The following ANTXR2 variants were observed in gnomAD, a reference collection of about 807,000 sequenced individuals.
The protein encoded by ANTXR2 is anthrax toxin receptor 2.
A neutral mutation model predicts 73.7 loss-of-function variants in ANTXR2; 44 were observed. The observed-to-expected ratio is 0.60, with a 90% CI of 0.47 to 0.77. ANTXR2 has a LOEUF of 0.77. ANTXR2 is among the 30% of genes least tolerant of loss of function. The pLI is 0.00. For missense variants in ANTXR2, 604 were observed against 592.5 expected (o/e 1.02, Z -0.20); for synonymous variants, 217 against 205.9 (o/e 1.05, Z -0.46).
At chr4:80,030,083 C>A (rs1732616241) in intron 10 of ANTXR2, among the ~76,000 whole-genome samples, 1 of 151,896 alleles carries the variant, frequency 6.6e-6, no homozygotes, top group South Asian at 2.1e-4. Context: ...GACTAATAAT[C>A]CAAGCAAGAG....
Position 79,914,438 on chromosome 4 carries a change from G to C in ANTXR2, c.1429-6971C>G, listed in dbSNP as rs937636129. On this transcript the variant is annotated intron_variant, in intron 16 of 16. Transcript: ENST00000403729. The stretch of plus-strand genomic sequence containing the variant: ...TCAATACTTCTTTAGAAGTAGACTA[G>C]GTATAAGCAAATGTAAACTAATAAA... Among the ~76,000 whole-genome samples, 5 of 152,048 alleles carry C rather than the reference G, an allele frequency of 3.3e-5. No individual in the cohort carries two copies. The East Asian group carries it at 9.7e-4, about 29-fold the overall frequency.
chr4:79,926,921 A>ATATATATGTGTG (rs1560866901), intron 16 of ANTXR2, among the ~76,000 whole-genome samples: 23 of 103,974 alleles, frequency 2.2e-4, no homozygotes, highest in African/African-American at 8.0e-4. Context: ...ATATATGTGT[A>ATATATATGTGTG]TATATACACA....
chr4:79,998,234 T>C (rs1730825288), intron 12 of ANTXR2, among the ~76,000 whole-genome samples: 1 of 151,948 alleles, frequency 6.6e-6, no homozygotes. Context: ...AAAAAGACCA[T>C]TTGTAAATGG....
In ANTXR2 at chr4:80,031,691, A is replaced by G. The variant is rs201468232; in HGVS notation, c.798T>C (p.Ser266=). Residue 266 remains serine (S), a splice_region_variant and synonymous_variant, in exon 10 of 17, where the codon AGT becomes AGC. Transcript: ENST00000403729. ...TYTVNETYTT[S]VKPVSVQLNS... ...TAAGCTGTACACTTACTGGTTTTAC[A>G]CCTAGAAAATAAAATGCCACTGAAT... 69 of 1,476,662 alleles carry G rather than the reference A, an allele frequency of 4.7e-5. 1 individual carries two copies. The Middle Eastern group carries it at 8.8e-4, about 19-fold the overall frequency. 91.5% of individuals were successfully genotyped at this position (1,476,662 alleles called of 1,614,324 possible).
intron 16 of ANTXR2, among the ~76,000 whole-genome samples, chr4:79,920,766 T>C (rs1474533469): frequency 6.6e-6 from 1 of 152,172 alleles, no homozygotes; most frequent in African/African-American, 2.4e-5. Flanking sequence ...AGCACATTAC[T>C]AATTATACAA....
intron 16 of ANTXR2, among the ~76,000 whole-genome samples, chr4:79,930,394 C>T (rs1379433474): frequency 2.6e-5 from 4 of 152,160 alleles, no homozygotes; most frequent in African/African-American, 7.2e-5. Flanking sequence ...GGATTAACTA[C>T]ATTAAGTTCT....
Position 79,993,346 on chromosome 4 carries a change from C to T in ANTXR2, c.1042-8483G>A, listed in dbSNP as rs138095079. 9.5e-4 allele frequency among the ~76,000 whole-genome samples: 143 copies of T among 151,050 alleles called. 1 individual carries two copies. Among genetic ancestry groups the T allele is most frequent in the African/African-American group, 3.2e-3 (130 of 41,170 alleles). On this transcript the variant is annotated intron_variant, in intron 12 of 16. Coordinates refer to ENST00000403729, the MANE Select transcript of ANTXR2 (RefSeq NM_058172.6). ...AAAAGGGAGAGAAGAGAGGAAGAAACAAATTGAGAGAATAAAGAAGGAGGA... is the reference window on the plus strand; with the variant it reads ...AAAAGGGAGAGAAGAGAGGAAGAAATAAATTGAGAGAATAAAGAAGGAGGA...
intron 12 of ANTXR2, among the ~76,000 whole-genome samples, chr4:79,986,032 C>T (rs911169501): frequency 1.4e-4 from 22 of 151,942 alleles, no homozygotes; most frequent in African/African-American, 4.6e-4. Flanking sequence ...TTGGTAAAGA[C>T]GGGGTTTCAC....
intron 12 of ANTXR2, among the ~76,000 whole-genome samples, chr4:80,002,966 C>G (rs1249265397): frequency 8.0e-6 from 1 of 125,094 alleles, no homozygotes; most frequent in Non-Finnish European, 1.8e-5. Context: ...GTTGGTGGGA[C>G]TGTAAACTAG....
At chr4:79,926,905 G>GTGTATATATACACA (rs1560866790) in intron 16 of ANTXR2, among the ~76,000 whole-genome samples, 17 of 118,680 alleles carry the variant, frequency 1.4e-4, no homozygotes, top group African/African-American at 5.0e-4. Flanking sequence ...ATATACACAT[G>GTGTATATATACACA]TGTGCATATA....
At chr4:80,016,953 C>T (rs1017867794) in intron 11 of ANTXR2, among the ~76,000 whole-genome samples, 1 of 152,252 alleles carries the variant, frequency 6.6e-6, no homozygotes, top group Non-Finnish European at 1.5e-5. Context: ...AGGATTCCTG[C>T]ATTACTGCAA....
chr4:80,024,414 A>C (rs1578165194), intron 10 of ANTXR2, among the ~76,000 whole-genome samples: 1 of 152,206 alleles, frequency 6.6e-6, no homozygotes, highest in African/African-American at 2.4e-5. Flanking sequence ...AGGAAGAAAA[A>C]GGGAGCCATA....
At position 79,907,177 on chromosome 4, in the gene ANTXR2, C is replaced by T. The variant is rs1726947752; in HGVS notation, c.*252G>A. On this transcript the variant is annotated 3_prime_UTR_variant, in exon 17 of 17. Coordinates refer to ENST00000403729, the MANE Select transcript of ANTXR2 (RefSeq NM_058172.6). ...AACCATAGTCTGCAGGTCAATGTTC[C>T]TCTTTATTTTCAATGTCATAAATCA... 3 of 544,004 alleles carry T rather than the reference C, an allele frequency of 5.5e-6. No individual in the cohort carries two copies. The highest frequency in any genetic ancestry group is 5.0e-5 in the South Asian group (2 of 40,358). 33.7% of individuals were successfully genotyped at this position (544,004 alleles called of 1,614,324 possible).
chr4:80,009,365 GCC>G (rs1295354356), intron 11 of ANTXR2, among the ~76,000 whole-genome samples: 1 of 152,112 alleles, frequency 6.6e-6, no homozygotes, highest in Non-Finnish European at 1.5e-5. Context: ...ACTATAAAAT[GCC>G]CCTTTGATTA....
chr4:80,007,356 A>G (rs1161108424), intron 12 of ANTXR2, among the ~76,000 whole-genome samples: 1 of 152,186 alleles, frequency 6.6e-6, no homozygotes, highest in Non-Finnish European at 1.5e-5. Flanking sequence ...TTCTCAAAAT[A>G]AATAGTAGGC....
chr4:80,032,310 A>G (rs535507653), intron 9 of ANTXR2, among the ~76,000 whole-genome samples: 4 of 152,004 alleles, frequency 2.6e-5, no homozygotes, highest in Non-Finnish European at 5.9e-5. Context: ...TTATGTAGCT[A>G]AACATGAAAT....
chr4:80,062,383 C>A (rs1213021718), intron 3 of ANTXR2, among the ~76,000 whole-genome samples: 3 of 152,170 alleles, frequency 2.0e-5, no homozygotes, highest in African/African-American at 7.2e-5. Context: ...GAAAAATCAA[C>A]CCCTGCATTT....
chr4:79,933,490 A>G (rs1379995678), intron 16 of ANTXR2, among the ~76,000 whole-genome samples: 1 of 152,090 alleles, frequency 6.6e-6, no homozygotes, highest in Non-Finnish European at 1.5e-5. Flanking sequence ...TAATCTCACC[A>G]CTGAATCATA....
intron 12 of ANTXR2, among the ~76,000 whole-genome samples, chr4:80,004,491 G>A (rs1335200796): frequency 1.5e-5 from 1 of 67,460 alleles, no homozygotes; most frequent in East Asian, 3.7e-4. Context: ...GGTTCTTCCT[G>A]TAGGCTCTAG....
Sources: gnomAD v4.1 joint callset for allele counts (sites outside exome capture counted in the v4.1 genomes callset) on GRCh38, gnomAD v4.1.1 for gene constraint, MANE v1.5 for transcripts, NCBI Gene and HGNC (gene_info 2026-07-23, HGNC 2026-07-21) for gene names.